Variants in TANC2 observed in about 807,000 individuals in gnomAD.
The protein encoded by TANC2 is tetratricopeptide repeat, ankyrin repeat and coiled-coil containing 2.
A neutral mutation model predicts 210.5 loss-of-function variants in TANC2; 26 were observed. That is an observed-to-expected ratio of 0.12 (90% CI 0.09 to 0.17). The LOEUF is 0.17. Ranked by LOEUF, TANC2 falls within the 10% of genes least tolerant of loss-of-function variation. TANC2 has a pLI of 1.00. For synonymous variants in TANC2, 931 were observed against 967.1 expected (o/e 0.96, Z 0.69); for missense variants, 2,129 against 2,608.9 (o/e 0.82, Z 4.01).
chr17:63,014,471 A>T (rs1248909826), intron 2 of TANC2, among the ~76,000 whole-genome samples: 2 of 152,116 alleles, frequency 1.3e-5, no homozygotes, highest in African/African-American at 4.8e-5. Context: ...ATTTTAGATT[A>T]TATAATGTGT....
intron 25 of TANC2, among the ~76,000 whole-genome samples, chr17:63,414,513 G>GATGTCATA (rs1482380614): frequency 6.6e-6 from 1 of 152,110 alleles, no homozygotes; most frequent in African/African-American, 2.4e-5. Context: ...CATTACCCTA[G>GATGTCATA]ATGTCATATT....
At position 63,044,346 on chromosome 17, in the gene TANC2, A is replaced by G. The variant is rs372039402; in HGVS notation, c.68-29597A>G. Reference sequence around the variant, plus strand: ...TGTTTAGTATTGTGTGTTTTAAAATATAATAGGTGGTATCATTTCCTCTAT... The same window carrying G: ...TGTTTAGTATTGTGTGTTTTAAAATGTAATAGGTGGTATCATTTCCTCTAT... On this transcript the variant is annotated intron_variant, in intron 2 of 27. Transcript: ENST00000689528. Among the ~76,000 whole-genome samples, 20 of 152,298 alleles carry G rather than the reference A, an allele frequency of 1.3e-4. No homozygotes were observed. In the East Asian group the frequency reaches 3.7e-3, roughly 28 times the overall value.
chr17:63,105,500 A>G (rs927625744), intron 4 of TANC2, among the ~76,000 whole-genome samples: 2 of 151,706 alleles, frequency 1.3e-5, no homozygotes, highest in African/African-American at 4.9e-5. Context: ...TTGCATAATA[A>G]TATACTTATC....
chr17:63,109,398 A>C (rs191849211), intron 4 of TANC2, among the ~76,000 whole-genome samples: 1 of 151,738 alleles, frequency 6.6e-6, no homozygotes, highest in East Asian at 1.9e-4. Context: ...TTATAAGGGA[A>C]TACAGCATAT....
intron 1 of TANC2, chr17:62,978,962 A>G (rs559008382): frequency 1.3e-5 from 2 of 152,334 alleles, no homozygotes; most frequent in East Asian, 1.9e-4. Flanking sequence ...CCCAGAATGT[A>G]TATGGCATAA....
intron 17 of TANC2, among the ~76,000 whole-genome samples, chr17:63,392,247 G>A (rs2048004373): frequency 6.6e-6 from 1 of 152,178 alleles, no homozygotes; most frequent in Non-Finnish European, 1.5e-5. Context: ...TTCTGAAAGT[G>A]TTTTTGAGCT....
chr17:63,016,906 G>A (rs1009657689), intron 2 of TANC2, among the ~76,000 whole-genome samples: 1 of 152,044 alleles, frequency 6.6e-6, no homozygotes, highest in African/African-American at 2.4e-5. Flanking sequence ...TTGTGTTTTT[G>A]TCATTCACTT....
intron 19 of TANC2, among the ~76,000 whole-genome samples, chr17:63,403,144 G>C (rs764106529): frequency 2.7e-4 from 41 of 152,190 alleles, no homozygotes; most frequent in Non-Finnish European, 4.6e-4. Context: ...GGACAGTATG[G>C]CTTTCCAGAT....
intron 17 of TANC2, chr17:63,393,343 C>T (rs983422267): frequency 6.6e-6 from 1 of 152,206 alleles, no homozygotes; most frequent in African/African-American, 2.4e-5. Context: ...TAACCTCAGT[C>T]ACTTGGCTAC....
intron 1 of TANC2, among the ~76,000 whole-genome samples, chr17:63,000,341 C>T (rs2033317478): frequency 1.3e-5 from 2 of 152,202 alleles, no homozygotes; most frequent in East Asian, 3.9e-4. Context: ...ATTACATAAA[C>T]ATTTTTATGC....
At chr17:63,047,678 G>C (rs1433483776) in intron 2 of TANC2, among the ~76,000 whole-genome samples, 2 of 152,108 alleles carry the variant, frequency 1.3e-5, no homozygotes, top group Non-Finnish European at 2.9e-5. Flanking sequence ...TAAATGAATA[G>C]GGGCTCCCTA....
chr17:63,352,510 T>C (rs1290018458), intron 13 of TANC2, among the ~76,000 whole-genome samples: 2 of 152,184 alleles, frequency 1.3e-5, no homozygotes, highest in Non-Finnish European at 1.5e-5. Context: ...AGTAGCTTGA[T>C]TGTTAAAAAT....
chr17:63,211,342 C>T (rs2041878473), intron 7 of TANC2, among the ~76,000 whole-genome samples: 1 of 152,040 alleles, frequency 6.6e-6, no homozygotes, highest in African/African-American at 2.4e-5. Context: ...CTGGTGATGG[C>T]CAGTTTCCCC....
At chr17:62,974,624 A>C (rs1380112501) in intron 1 of TANC2, among the ~76,000 whole-genome samples, 2 of 152,198 alleles carry the variant, frequency 1.3e-5, no homozygotes, top group Non-Finnish European at 2.9e-5. Flanking sequence ...TGGAAATTTC[A>C]TATTCTTCCT....
At chr17:63,304,833 G>A (rs2044844030) in intron 9 of TANC2, among the ~76,000 whole-genome samples, 1 of 152,128 alleles carries the variant, frequency 6.6e-6, no homozygotes, top group Non-Finnish European at 1.5e-5. Context: ...GGAGGGATGG[G>A]TCAGGCCTGA....
chr17:62,967,443 T>C (rs1436344424), intron 1 of TANC2: 1 of 152,228 alleles, frequency 6.6e-6, no homozygotes, highest in Admixed American at 6.5e-5. Flanking sequence ...CCAGTCTTCA[T>C]TTCCAGGTGT....
At chr17:63,155,153 A>C (rs1204926946) in intron 5 of TANC2, 1 of 151,932 alleles carries the variant, frequency 6.6e-6, no homozygotes, top group Non-Finnish European at 1.5e-5. Flanking sequence ...TCTAGGTTTA[A>C]TTTTTTTCTC....
At chr17:63,131,497 T>G (rs1318340451) in intron 4 of TANC2, among the ~76,000 whole-genome samples, 2 of 151,422 alleles carry the variant, frequency 1.3e-5, no homozygotes, top group African/African-American at 2.4e-5. Flanking sequence ...TTACCAAATA[T>G]CACATCGTTA....
chr17:63,419,931 C>T, intron 27 of TANC2, 68 bp from the exon 28 acceptor site: 1 of 1,465,326 alleles, frequency 6.8e-7, no homozygotes, highest in Non-Finnish European at 9.1e-7. Flanking sequence ...TGACCATGTT[C>T]TCAGCTCTTG....
Sources: gnomAD v4.1 joint callset for allele counts (sites outside exome capture counted in the v4.1 genomes callset) on GRCh38, gnomAD v4.1.1 for gene constraint, MANE v1.5 for transcripts, NCBI Gene and HGNC (gene_info 2026-07-23, HGNC 2026-07-21) for gene names.